The following KIF26B variants were observed in gnomAD, a reference collection of about 807,000 sequenced individuals.
KIF26B encodes kinesin family member 26B, also known as kinesin-like protein KIF26B.
KIF26B carries 63 observed loss-of-function variants against 151.2 expected under a neutral mutation model. The observed-to-expected ratio is 0.42, with a 90% CI of 0.34 to 0.51. The LOEUF is 0.51. Ranked by LOEUF, KIF26B falls within the 20% of genes least tolerant of loss-of-function variation. KIF26B has a pLI of 0.07. For missense variants in KIF26B, 2,813 were observed against 2,913.6 expected, an observed-to-expected ratio of 0.97 and a Z score of 0.79; for synonymous variants, 1,357 against 1,262.1, an observed-to-expected ratio of 1.08 and a Z score of -1.59.
Position 245,218,123 on chromosome 1 carries a change from C to T in KIF26B, c.465+61440C>T, listed in dbSNP as rs112927444. Among the ~76,000 whole-genome samples, 11 of 152,326 alleles carry T rather than the reference C, an allele frequency of 7.2e-5. No individual in the cohort carries two copies. The highest frequency in any genetic ancestry group is 1.3e-4 in the Admixed American group (2 of 15,306). ...TCCAGCATGTCTGGATCCTGTGCAG[C>T]GGGCAGAGGCCAGAGGCCATGGTGG... On this transcript the variant is annotated intron_variant, in intron 2 of 14. Transcript: ENST00000407071. This position sits in a 1 kb window ranked among gnomAD's most constrained non-coding sequence, Gnocchi z 4.1.
intron 4 of KIF26B, among the ~76,000 whole-genome samples, chr1:245,524,621 G>A (rs1056537381): frequency 2.6e-5 from 4 of 152,064 alleles, no homozygotes; most frequent in African/African-American, 9.7e-5. Flanking sequence ...AATTTTATAA[G>A]CTAAGTAACT....
intron 2 of KIF26B, among the ~76,000 whole-genome samples, chr1:245,210,238 G>C (rs1669490146): frequency 6.6e-6 from 1 of 152,198 alleles, no homozygotes; most frequent in Non-Finnish European, 1.5e-5. Context: ...GGGATGGGCA[G>C]GGTGACATCA....
intron 2 of KIF26B, among the ~76,000 whole-genome samples, chr1:245,173,897 T>C (rs959354229): frequency 6.6e-6 from 1 of 152,240 alleles, no homozygotes; most frequent in Non-Finnish European, 1.5e-5. Flanking sequence ...CGCTGCTCTG[T>C]TCTGCAGGAC....
At chr1:245,351,762 A>T (rs1019369510) in intron 2 of KIF26B, among the ~76,000 whole-genome samples, 1 of 152,214 alleles carries the variant, frequency 6.6e-6, no homozygotes, top group East Asian at 1.9e-4. Context: ...TGACTCCTTC[A>T]TCAGCTCCCA....
At chr1:245,569,305 TA>T (rs2043041055) in intron 5 of KIF26B, among the ~76,000 whole-genome samples, 1 of 152,144 alleles carries the variant, frequency 6.6e-6, no homozygotes, top group Non-Finnish European at 1.5e-5. Flanking sequence ...AGGATTCAGC[TA>T]GGGGCTTTTT....
chr1:245,377,172 C>T (rs1475948922), intron 3 of KIF26B, among the ~76,000 whole-genome samples: 1 of 152,256 alleles, frequency 6.6e-6, no homozygotes, highest in Non-Finnish European at 1.5e-5. Flanking sequence ...GCCTCAGCCT[C>T]CCAAAGTGCT....
intron 4 of KIF26B, among the ~76,000 whole-genome samples, chr1:245,486,838 C>T (rs1048842082): frequency 2.0e-5 from 3 of 152,178 alleles, no homozygotes; most frequent in Non-Finnish European, 4.4e-5. Flanking sequence ...GCCTGGCTAA[C>T]GTTTCCACTT....
rs1428084039 is a variant in KIF26B, at chr1:245,687,726, G to A, written c.4743G>A (p.Val1581=). The part of the protein sequence containing the change: ...PPSKATLEGK[V]ASPKHCVLAR... ...CCAAGGCTACCCTGGAGGGGAAGGT[G>A]GCTTCCCCCAAGCACTGTGTTCTGG... Residue 1581 remains valine, a synonymous_variant, in exon 12 of 15, where the codon GTG becomes GTA. Transcript: ENST00000407071. The surrounding 1 kb of genome is among the most constrained non-coding windows in gnomAD (Gnocchi z 4.9). 1 of 1,578,576 alleles carries A rather than the reference G, an allele frequency of 6.3e-7. No homozygotes were observed. Among genetic ancestry groups the A allele is most frequent in the Non-Finnish European group, 8.6e-7 (1 of 1,162,570 alleles).
At chr1:245,455,277 G>C (rs937264505) in intron 4 of KIF26B, among the ~76,000 whole-genome samples, 1 of 152,042 alleles carries the variant, frequency 6.6e-6, no homozygotes, top group African/African-American at 2.4e-5. Flanking sequence ...AGGCTGAGGC[G>C]GGCAGATCAC....
chr1:245,203,021 G>A (rs1669332581), intron 2 of KIF26B, among the ~76,000 whole-genome samples: 2 of 151,690 alleles, frequency 1.3e-5, no homozygotes, highest in South Asian at 2.1e-4. Flanking sequence ...TTGGGAGGCC[G>A]AGGAGGGTGG....
chr1:245,528,160 T>C (rs1277040215), intron 4 of KIF26B, among the ~76,000 whole-genome samples: 1 of 151,940 alleles, frequency 6.6e-6, no homozygotes, highest in African/African-American at 2.4e-5. Context: ...TGCAAGTGGA[T>C]GTCTGGCAAG....
chr1:245,695,659 T>A (rs557702055), intron 12 of KIF26B, among the ~76,000 whole-genome samples: 1 of 152,336 alleles, frequency 6.6e-6, no homozygotes, highest in South Asian at 2.1e-4. Flanking sequence ...CTAGATGGCA[T>A]GGAAAGGAGG....
rs746283576 is a variant in KIF26B at position 245,686,161 on chromosome 1, C to G, written c.3178C>G (p.Pro1060Ala). The stretch of plus-strand genomic sequence containing the variant: ...CTCCTGCGGCTTCGTGGAAGGCAAG[C>G]CCAGGCCCATGGGCTCCCCCCGGCT... ...LNSCGFVEGK[P>A]RPMGSPRLGI... The change falls in exon 12 of 15, where the codon CCC becomes GCC. Residue 1060 changes from proline to alanine, a missense_variant. Transcript: ENST00000407071. The surrounding 1 kb of genome is among the most constrained non-coding windows in gnomAD (Gnocchi z 5.6). 1 of 1,612,376 alleles carries G rather than the reference C, an allele frequency of 6.2e-7. No individual in the cohort carries two copies. The highest frequency in any genetic ancestry group is 1.6e-4 in the Middle Eastern group (1 of 6,082).
At chr1:245,680,244 T>A (rs1572198121) in intron 10 of KIF26B, among the ~76,000 whole-genome samples, 1 of 152,142 alleles carries the variant, frequency 6.6e-6, no homozygotes, top group Non-Finnish European at 1.5e-5. Flanking sequence ...ATCATGAGGT[T>A]GGGAAAGCCG....
chr1:245,190,171 G>A (rs1169129635), intron 2 of KIF26B, among the ~76,000 whole-genome samples: 9 of 152,018 alleles, frequency 5.9e-5, no homozygotes, highest in Admixed American at 5.2e-4. Context: ...TCTCCCCCTG[G>A]GTCCCTCCCA....
chr1:245,205,595 G>A (rs1053591839), intron 2 of KIF26B, among the ~76,000 whole-genome samples: 18 of 152,156 alleles, frequency 1.2e-4, no homozygotes, highest in African/African-American at 4.1e-4. Flanking sequence ...TGGTATGCTA[G>A]CAACCAAATC....
intron 3 of KIF26B, among the ~76,000 whole-genome samples, chr1:245,416,624 A>G (rs1432338762): frequency 2.0e-5 from 3 of 152,194 alleles, no homozygotes; most frequent in Non-Finnish European, 4.4e-5. Context: ...CAGCAGAGGA[A>G]GCATAGGCTG....
At position 245,479,928 on chromosome 1, in the gene KIF26B, A is replaced by G. The variant is rs191467147; in HGVS notation, c.1166+60183A>G. Among the ~76,000 whole-genome samples, 84 of 151,930 alleles carry G rather than the reference A, an allele frequency of 5.5e-4. No homozygotes were observed. In the East Asian group the frequency reaches 0.011, roughly 20 times the overall value. ...TAGGATTCGTGGATAAGGATTGCAAATAGACAAATTTCCACTTAAATAAGA... is the reference window on the plus strand; with the variant it reads ...TAGGATTCGTGGATAAGGATTGCAAGTAGACAAATTTCCACTTAAATAAGA... On this transcript the variant is annotated intron_variant, in intron 4 of 14. Transcript: ENST00000407071.
intron 3 of KIF26B, among the ~76,000 whole-genome samples, chr1:245,401,280 G>A (rs73127904): frequency 0.097 from 14,753 of 152,136 alleles, 951 homozygotes; most frequent in East Asian, 0.24. Context: ...GGCATCCAGG[G>A]AGACATAAGG....
Sources: gnomAD v4.1 joint callset for allele counts (sites outside exome capture counted in the v4.1 genomes callset) on GRCh38, gnomAD v4.1.1 for gene constraint, Gnocchi (gnomAD v3.1) non-coding constraint, MANE v1.5 for transcripts, NCBI Gene and HGNC (gene_info 2026-07-23, HGNC 2026-07-21) for gene names.